The following KCNG2 variants were observed in gnomAD, a reference collection of about 807,000 sequenced individuals.
KCNG2 encodes the protein voltage-gated potassium channel regulatory subunit KCNG2.
Under a neutral mutation model 12.3 loss-of-function variants are expected in KCNG2, and 7 were observed. The ratio of observed to expected loss-of-function variants is 0.57; its 90% confidence interval spans 0.32 to 1.07. The LOEUF is 1.07. Among genes scored for constraint, KCNG2 ranks in the 50% least tolerant of loss-of-function variants. KCNG2 has a pLI of 0.04. For synonymous variants in KCNG2, 414 were observed against 351.4 expected (o/e 1.18, Z -1.99); for missense variants, 703 against 726.0 (o/e 0.97, Z 0.36).
intron 1 of KCNG2, among the ~76,000 whole-genome samples, chr18:79,814,619 G>C (rs184054843): frequency 3.3e-5 from 5 of 152,342 alleles, no homozygotes; most frequent in Admixed American, 1.3e-4. Context: ...CACTGCCTGC[G>C]TGGGTCAGCA....
chr18:79,823,998 T>G (rs548467199), intron 1 of KCNG2, among the ~76,000 whole-genome samples: 2 of 152,340 alleles, frequency 1.3e-5, no homozygotes, highest in South Asian at 4.1e-4. Context: ...GACTTTTTCT[T>G]TCATCAATTT....
At chr18:79,898,915 C>T (rs1981078508) in intron 3 of KCNG2, 125 bp from the exon 4 acceptor site, 2 of 678,984 alleles carry the variant, frequency 2.9e-6, no homozygotes, top group Admixed American at 6.8e-5. Flanking sequence ...CCTGCACCCG[C>T]TTCCGTGGGT....
intron 1 of KCNG2, among the ~76,000 whole-genome samples, chr18:79,850,876 G>GT (rs1978791131): frequency 6.6e-6 from 1 of 152,164 alleles, no homozygotes. Flanking sequence ...GAGGGCAGGC[G>GT]CCGGACCAGG....
At chr18:79,862,574 T>C (rs1979261707) in intron 2 of KCNG2, among the ~76,000 whole-genome samples, 2 of 152,172 alleles carry the variant, frequency 1.3e-5, no homozygotes, top group South Asian at 4.1e-4. Context: ...TCCCGGCATG[T>C]GCGCAGCCGA....
intron 3 of KCNG2, among the ~76,000 whole-genome samples, chr18:79,889,339 G>A (rs1980665541): frequency 6.6e-6 from 1 of 152,206 alleles, no homozygotes; most frequent in Non-Finnish European, 1.5e-5. Flanking sequence ...TAAGCGCTCA[G>A]CTGGATTCCT....
intron 3 of KCNG2, among the ~76,000 whole-genome samples, chr18:79,892,355 A>G (rs1336532402): frequency 6.6e-6 from 1 of 152,258 alleles, no homozygotes; most frequent in Non-Finnish European, 1.5e-5. Context: ...CAGTCATTCC[A>G]GCTTTCCTGT....
chr18:79,897,130 G>GT lies in KCNG2; in HGVS notation c.625-1900dup, dbSNP rs35142950. ...TGTAGGTTATTGTTTTTAAAAAATT[G>GT]TTTTTTTTTTCAGCATTATCTCTCT... On this transcript the variant is annotated intron_variant, in intron 3 of 3. Coordinates refer to ENST00000316249, the MANE Select transcript of KCNG2 (RefSeq NM_012283.2). 1.7e-3 allele frequency among the ~76,000 whole-genome samples: 252 copies of GT among 150,220 alleles called. 2 individuals carry two copies. The East Asian group carries it at 0.026, about 16-fold the overall frequency.
intron 3 of KCNG2, among the ~76,000 whole-genome samples, chr18:79,882,273 C>G (rs1362083435): frequency 6.6e-6 from 1 of 152,168 alleles, no homozygotes; most frequent in Non-Finnish European, 1.5e-5. Context: ...CACTGAGAGG[C>G]CGAGGTGGGA....
At chr18:79,882,851 CGCGGAGGCCGG>C (rs1373864864) in intron 3 of KCNG2, among the ~76,000 whole-genome samples, 42 of 151,250 alleles carry the variant, frequency 2.8e-4, no homozygotes, top group South Asian at 1.5e-3. Flanking sequence ...GCGCGTGGAG[CGCGGAGGCCGG>C]GTACACCTGC....
chr18:79,825,930 G>A (rs958298892), intron 1 of KCNG2, among the ~76,000 whole-genome samples: 7 of 152,218 alleles, frequency 4.6e-5, no homozygotes, highest in Admixed American at 6.5e-5. Flanking sequence ...GTGGGAGCGC[G>A]GACACCTGTC....
chr18:79,887,131 TAGGGACACGGAC>T (rs1220339915), intron 3 of KCNG2, among the ~76,000 whole-genome samples: 3 of 140,286 alleles, frequency 2.1e-5, no homozygotes, highest in Middle Eastern at 3.8e-3. Context: ...GAGAGATGCC[TAGGGACACGGAC>T]AGGGACACGG....
intron 1 of KCNG2, among the ~76,000 whole-genome samples, chr18:79,832,787 A>G (rs1247517496): frequency 2.6e-5 from 4 of 152,194 alleles, no homozygotes; most frequent in Non-Finnish European, 5.9e-5. Flanking sequence ...GCAGCCTTAG[A>G]AGAGTGTTAC....
intron 3 of KCNG2, among the ~76,000 whole-genome samples, chr18:79,876,901 G>C (rs1273643688): frequency 6.6e-6 from 1 of 152,242 alleles, no homozygotes; most frequent in Non-Finnish European, 1.5e-5. Flanking sequence ...ATTTCAGCCA[G>C]GGGAGGGTGA....
At chr18:79,838,336 G>A (rs1978363308) in intron 1 of KCNG2, among the ~76,000 whole-genome samples, 1 of 151,902 alleles carries the variant, frequency 6.6e-6, no homozygotes. Flanking sequence ...GAATAAAACT[G>A]GAAATCAATA....
At chr18:79,874,117 C>T (rs1310643996) in intron 3 of KCNG2, among the ~76,000 whole-genome samples, 1 of 152,206 alleles carries the variant, frequency 6.6e-6, no homozygotes, top group Non-Finnish European at 1.5e-5. Flanking sequence ...CCCTCACATT[C>T]GGCCCTCACA....
intron 1 of KCNG2, among the ~76,000 whole-genome samples, chr18:79,815,590 C>T (rs1047212839): frequency 1.2e-4 from 18 of 152,306 alleles, no homozygotes; most frequent in African/African-American, 4.1e-4. Context: ...TCAGCAAAGA[C>T]GTGACCTCGC....
intron 1 of KCNG2, among the ~76,000 whole-genome samples, chr18:79,827,373 C>G (rs143474095): frequency 0.015 from 2,331 of 152,328 alleles, 35 homozygotes; most frequent in South Asian, 0.042. Context: ...AGTTCTGTTC[C>G]TTGGTCAGAG....
intron 1 of KCNG2, among the ~76,000 whole-genome samples, chr18:79,814,044 A>C (rs2087510920): frequency 6.6e-6 from 1 of 152,174 alleles, no homozygotes. Flanking sequence ...GCAAATTAAA[A>C]CCACTGTGCC....
chr18:79,898,906 C>T (rs762385469), intron 3 of KCNG2, 134 bp from the exon 4 acceptor site: 19 of 636,222 alleles, frequency 3.0e-5, no homozygotes, highest in Non-Finnish European at 4.7e-5. Flanking sequence ...TCAATATCCC[C>T]TGCACCCGCT....
Sources: gnomAD v4.1 joint callset for allele counts (sites outside exome capture counted in the v4.1 genomes callset) on GRCh38, gnomAD v4.1.1 for gene constraint, MANE v1.5 for transcripts, NCBI Gene and HGNC (gene_info 2026-07-23, HGNC 2026-07-21) for gene names.